Variants in WDR45B observed in about 807,000 individuals in gnomAD.
WDR45B encodes WD repeat domain phosphoinositide-interacting protein 3.
A neutral mutation model predicts 44.6 loss-of-function variants in WDR45B; 20 were observed. The ratio of observed to expected loss-of-function variants is 0.45; its 90% CI spans 0.32 to 0.65. WDR45B has a LOEUF of 0.65. WDR45B is among the 30% of genes least tolerant of loss of function. The pLI is 0.05. For missense variants in WDR45B, 323 were observed against 430.2 expected (o/e 0.75, Z 2.20); for synonymous variants, 169 against 164.9 (o/e 1.02, Z -0.19).
intron 1 of WDR45B, among the ~76,000 whole-genome samples, chr17:82,647,903 G>C (rs571900238): frequency 4.0e-5 from 6 of 151,646 alleles, no homozygotes; most frequent in African/African-American, 1.4e-4. Flanking sequence ...CCCGCAGGGA[G>C]CCAGGGAACC....
chr17:82,628,106 C>T lies in WDR45B; in HGVS notation c.245-815G>A, dbSNP rs553989415. Among the ~76,000 whole-genome samples, 5 of 152,312 alleles carry T rather than the reference C, an allele frequency of 3.3e-5. No homozygotes were observed. In the South Asian group the frequency reaches 8.3e-4, roughly 25 times the overall value. On this transcript the variant is annotated intron_variant, in intron 3 of 9. Transcript: ENST00000392325. ...CTCCCAGGCTCAAGAGATTCTCCCA[C>T]GTCAGCTTCCCAAATGGCTGGGACT...
At chr17:82,643,351 T>C (rs1326055101) in intron 2 of WDR45B, among the ~76,000 whole-genome samples, 1 of 151,908 alleles carries the variant, frequency 6.6e-6, no homozygotes, top group African/African-American at 2.4e-5. Context: ...GAGAACCGCT[T>C]GAACCCGGGA....
At chr17:82,646,202 T>C (rs2045972921) in intron 1 of WDR45B, among the ~76,000 whole-genome samples, 1 of 149,438 alleles carries the variant, frequency 6.7e-6, no homozygotes, top group Non-Finnish European at 1.5e-5. Context: ...GTAAGAAACC[T>C]AGAAACAGCC....
chr17:82,630,872 A>G, intron 3 of WDR45B, 49 bp downstream of exon 3: 2 of 1,540,362 alleles, frequency 1.3e-6, no homozygotes, highest in Non-Finnish European at 1.8e-6. Flanking sequence ...TCAAAAAAAG[A>G]CTGGGTGGGA....
intron 2 of WDR45B, among the ~76,000 whole-genome samples, chr17:82,637,848 A>T (rs1035698536): frequency 1.3e-5 from 2 of 151,778 alleles, no homozygotes; most frequent in African/African-American, 2.4e-5. Flanking sequence ...GGCAGAGGGT[A>T]CGGCCTTCTC....
At chr17:82,642,143 T>A (rs1309936459) in intron 2 of WDR45B, among the ~76,000 whole-genome samples, 1 of 152,066 alleles carries the variant, frequency 6.6e-6, no homozygotes, top group Non-Finnish European at 1.5e-5. Context: ...GCAATTATCC[T>A]TTACAATGGG....
chr17:82,644,199 T>A (rs1429397882), intron 1 of WDR45B, 176 bp from the exon 2 acceptor site: 3 of 683,390 alleles, frequency 4.4e-6, no homozygotes, highest in South Asian at 3.2e-5. Flanking sequence ...GACAAGCACA[T>A]CCATGCAGGG....
At chr17:82,627,400 C>G in intron 3 of WDR45B, 109 bp from the exon 4 acceptor site, 2 of 900,264 alleles carry the variant, frequency 2.2e-6, no homozygotes, top group Non-Finnish European at 3.6e-6. Flanking sequence ...ACTGGCACAG[C>G]TGCGCCCACC....
intron 2 of WDR45B, among the ~76,000 whole-genome samples, chr17:82,631,565 A>G (rs74909953): frequency 0.061 from 2,908 of 47,440 alleles, no homozygotes; most frequent in Middle Eastern, 0.14. Context: ...GACTACAGAC[A>G]TGAGCCACTG....
rs549218594 is a variant in WDR45B at position 82,625,453 on chromosome 17, C to G, written c.363G>C (p.Lys121Asn). 6.2e-7 allele frequency: 1 copy of G among 1,614,148 alleles called. No homozygotes were observed. ...RIVVVLDSMI[K>N]VFTFTHNPHQ... Reference sequence around the variant, plus strand: ...GGGGATTGTGTGTGAATGTGAACACCTTAATCATGGAGTCCAAAACCACCA... The same window carrying G: ...GGGGATTGTGTGTGAATGTGAACACGTTAATCATGGAGTCCAAAACCACCA... Residue 121 changes from lysine (K) to asparagine (N), a missense_variant, in exon 5 of 10, where the codon AAG (lysine) becomes AAC (asparagine). Transcript: ENST00000392325.
At position 82,630,961 on chromosome 17, in the gene WDR45B, T is replaced by C. The variant is rs1395354025; in HGVS notation, c.204A>G (p.Leu68=). 1 of 1,613,210 alleles carries C rather than the reference T, an allele frequency of 6.2e-7. No homozygotes were observed. Among genetic ancestry groups the C allele is most frequent in the East Asian group, 2.2e-5 (1 of 44,896 alleles). Residue 68 remains leucine (L), a synonymous_variant, in exon 3 of 10, where the codon TTA becomes TTG. Transcript: ENST00000392325. ...EMLFRCNYLA[L]VGGGKKPKYP... is the part of the protein sequence containing the mutation. Reference sequence around the variant, plus strand: ...ATTTCGGCTTTTTTCCACCACCAACTAAAGCTAAATAGTTGCAGCGAAATA... The same window carrying C: ...ATTTCGGCTTTTTTCCACCACCAACCAAAGCTAAATAGTTGCAGCGAAATA...
intron 2 of WDR45B, among the ~76,000 whole-genome samples, chr17:82,636,951 G>A (rs928448099): frequency 3.3e-5 from 5 of 151,886 alleles, no homozygotes; most frequent in Admixed American, 6.5e-5. Context: ...TGTGCAGTCC[G>A]ACCCCAGCCC....
chr17:82,640,476 G>A (rs776694731), intron 2 of WDR45B, among the ~76,000 whole-genome samples: 11 of 151,086 alleles, frequency 7.3e-5, no homozygotes, highest in Non-Finnish European at 1.6e-4. Context: ...TCAGCCTCCC[G>A]AGTAGCTGGG....
intron 2 of WDR45B, among the ~76,000 whole-genome samples, chr17:82,636,881 C>A (rs2045839816): frequency 6.6e-6 from 1 of 151,944 alleles, no homozygotes; most frequent in Non-Finnish European, 1.5e-5. Context: ...TACCTCACAT[C>A]CCCCTCCCCT....
At chr17:82,623,705 A>G (rs1300433446) in intron 5 of WDR45B, among the ~76,000 whole-genome samples, 1 of 151,332 alleles carries the variant, frequency 6.6e-6, no homozygotes, top group Non-Finnish European at 1.5e-5. Flanking sequence ...CTCATATTAA[A>G]AAAAAAAAAA....
At position 82,629,672 on chromosome 17, in the gene WDR45B, T is replaced by G. The variant is rs762791597; in HGVS notation, c.244+1249A>C. 1.0e-4 allele frequency: 101 copies of G among 985,248 alleles called. 1 individual carries two copies. The highest frequency in any genetic ancestry group is 1.2e-4 in the Non-Finnish European group (98 of 829,948). 61.0% of individuals were successfully genotyped at this position (985,248 alleles called of 1,614,324 possible). A position where few individuals can be genotyped will look rare whatever the true frequency, so the allele number is the denominator to read the frequency against. ...TAAATGTATCAGGCAGGGCCAGTCCTCACCCGAGTGTGGTCTCTCTTCCGC... is the reference window on the plus strand; with the variant it reads ...TAAATGTATCAGGCAGGGCCAGTCCGCACCCGAGTGTGGTCTCTCTTCCGC... On this transcript the variant is annotated intron_variant, in intron 3 of 9. Transcript: ENST00000392325.
chr17:82,640,808 G>A (rs868316904), intron 2 of WDR45B, among the ~76,000 whole-genome samples: 1 of 152,134 alleles, frequency 6.6e-6, no homozygotes, highest in Non-Finnish European at 1.5e-5. Flanking sequence ...CACCACACAT[G>A]CACATGTGAG....
intron 2 of WDR45B, 101 bp from the exon 3 acceptor site, chr17:82,631,123 C>A: frequency 8.3e-7 from 1 of 1,197,612 alleles, no homozygotes; most frequent in Non-Finnish European, 1.2e-6. Flanking sequence ...CAGCAATTTT[C>A]TATTTTTTGT....
rs2045612484 is a variant in WDR45B, at chr17:82,621,281, T to A, written c.618+328A>T. Among the ~76,000 whole-genome samples, 4 of 152,320 alleles carry A rather than the reference T, an allele frequency of 2.6e-5. No homozygotes were observed. In the South Asian group the frequency reaches 8.3e-4, roughly 32 times the overall value. On this transcript the variant is annotated intron_variant, in intron 6 of 9. Transcript: ENST00000392325. ...CTTGGCCAGGCTGGTTTCGAACATC[T>A]GACCTCAAGTGATCCGCCTGCCTTG...
Sources: gnomAD v4.1 joint callset for allele counts (sites outside exome capture counted in the v4.1 genomes callset) on GRCh38, gnomAD v4.1.1 for gene constraint, MANE v1.5 for transcripts, NCBI Gene and HGNC (gene_info 2026-07-23, HGNC 2026-07-21) for gene names.